The following FHIT variants were observed in gnomAD, a reference collection of about 807,000 sequenced individuals.
FHIT encodes the protein fragile histidine triad diadenosine triphosphatase.
A neutral mutation model predicts 17.9 loss-of-function variants in FHIT; 19 were observed. The observed-to-expected ratio is 1.06, with a 90% confidence interval of 0.74 to 1.56. The LOEUF is 1.56. FHIT is among the 40% of genes most tolerant of loss of function. The pLI is 0.00. For synonymous variants in FHIT, 81 were observed against 69.7 expected (o/e 1.16, Z -0.81); for missense variants, 248 against 189.2 (o/e 1.31, Z -1.82).
In FHIT at chr3:59,806,192, A is replaced by G. The variant is rs1250706677; in HGVS notation, c.349-53871T>C. Among the ~76,000 whole-genome samples, 4 of 151,938 alleles carry G rather than the reference A, an allele frequency of 2.6e-5. No individual in the cohort carries two copies. In the East Asian group the frequency reaches 7.7e-4, roughly 29 times the overall value. Reference sequence around the variant, plus strand: ...AGAATCTGTCTCAAAAAAAAAAAAAAGATCATGGGGAATAATCTACATGAA... The same window carrying G: ...AGAATCTGTCTCAAAAAAAAAAAAAGGATCATGGGGAATAATCTACATGAA... On this transcript the variant is annotated intron_variant, in intron 8 of 9. Transcript: ENST00000492590.
chr3:60,125,398 G>A (rs1705494801), intron 5 of FHIT, among the ~76,000 whole-genome samples: 2 of 152,114 alleles, frequency 1.3e-5, no homozygotes, highest in African/African-American at 4.8e-5. Context: ...TTGGGAGGCT[G>A]AGGCGGTCGG....
At chr3:60,789,007 G>T in intron 4 of FHIT, among the ~76,000 whole-genome samples, 1 of 151,282 alleles carries the variant, frequency 6.6e-6, no homozygotes, top group East Asian at 1.9e-4. Context: ...GTGAAACACT[G>T]GCTAAAGACA....
chr3:59,791,756 A>C (rs752952853), intron 8 of FHIT, among the ~76,000 whole-genome samples: 8 of 152,178 alleles, frequency 5.3e-5, no homozygotes, highest in Non-Finnish European at 8.8e-5. Flanking sequence ...ACATTTCCAC[A>C]AGGCCAGGTA....
chr3:59,903,249 A>G (rs907724242), intron 8 of FHIT, among the ~76,000 whole-genome samples: 2 of 152,180 alleles, frequency 1.3e-5, no homozygotes, highest in Admixed American at 6.5e-5. Context: ...ATAGAGACAG[A>G]AAGTAGATTA....
At chr3:60,186,234 T>A (rs777914595) in intron 5 of FHIT, among the ~76,000 whole-genome samples, 3 of 152,196 alleles carry the variant, frequency 2.0e-5, no homozygotes, top group Admixed American at 1.3e-4. Context: ...ATCCCAGATT[T>A]TTTTCTAGAT....
chr3:60,660,729 C>CTTTTT lies in FHIT; in HGVS notation c.-17-123755_-17-123751dup. Among the ~76,000 whole-genome samples, 144 of 37,226 alleles carry CTTTTT rather than the reference C, an allele frequency of 3.9e-3. 27 individuals are homozygous for CTTTTT. Among genetic ancestry groups the CTTTTT allele is most frequent in the African/African-American group, 7.8e-3 (95 of 12,178 alleles). 24.4% of individuals were successfully genotyped at this position (37,226 alleles called of 152,430 possible). On this transcript the variant is annotated intron_variant, in intron 4 of 9. Coordinates refer to ENST00000492590, the MANE Select transcript of FHIT (RefSeq NM_002012.4). ...GATGTGGAATATCTTTTATTGTGCT[C>CTTTTT]TTTTTTTTTTTTTTTTTTTTTGCCA...
intron 5 of FHIT, among the ~76,000 whole-genome samples, chr3:60,120,144 A>T (rs929093430): frequency 2.0e-5 from 3 of 152,120 alleles, no homozygotes; most frequent in African/African-American, 7.2e-5. Context: ...AATTTCTCCC[A>T]TCTCAGCATT....
chr3:60,687,908 T>C (rs1403359128), intron 4 of FHIT, among the ~76,000 whole-genome samples: 1 of 152,182 alleles, frequency 6.6e-6, no homozygotes, highest in Non-Finnish European at 1.5e-5. Flanking sequence ...ATAACCTTCT[T>C]GATTGCATTT....
intron 5 of FHIT, among the ~76,000 whole-genome samples, chr3:60,121,515 A>G (rs928086460): frequency 6.6e-6 from 1 of 151,974 alleles, no homozygotes; most frequent in African/African-American, 2.4e-5. Flanking sequence ...GTGAGATCCC[A>G]TCTCTACCAA....
At chr3:60,815,063 C>G (rs542823747) in intron 4 of FHIT, among the ~76,000 whole-genome samples, 1 of 151,782 alleles carries the variant, frequency 6.6e-6, no homozygotes, top group African/African-American at 2.4e-5. Flanking sequence ...AGTTTCTGTT[C>G]ATGTCTTTTG....
At chr3:60,929,078 C>A (rs1406248355) in intron 3 of FHIT, among the ~76,000 whole-genome samples, 1 of 152,154 alleles carries the variant, frequency 6.6e-6, no homozygotes, top group Admixed American at 6.5e-5. Flanking sequence ...AATCAATAAA[C>A]GTAATCCAAC....
At chr3:60,857,978 G>T (rs184715286) in intron 3 of FHIT, among the ~76,000 whole-genome samples, 2 of 152,158 alleles carry the variant, frequency 1.3e-5, no homozygotes, top group Admixed American at 1.3e-4. Flanking sequence ...CTTAACAATT[G>T]TTAGGTAGTA....
chr3:60,730,452 C>A, intron 4 of FHIT: 1 of 227,196 alleles, frequency 4.4e-6, no homozygotes, highest in East Asian at 1.2e-4. Context: ...CTTTATAAAT[C>A]CTTTTATTCT....
At chr3:61,113,760 T>G (rs765358044) in intron 2 of FHIT, among the ~76,000 whole-genome samples, 1 of 152,252 alleles carries the variant, frequency 6.6e-6, no homozygotes, top group African/African-American at 2.4e-5. Context: ...ACACATGATA[T>G]ACAGCGGATG....
At chr3:60,048,182 G>A (rs212054) in intron 5 of FHIT, among the ~76,000 whole-genome samples, 8 of 151,856 alleles carry the variant, frequency 5.3e-5, no homozygotes, top group African/African-American at 1.7e-4. Context: ...CTCTTTCTTT[G>A]TTTTCTTCTT....
intron 5 of FHIT, among the ~76,000 whole-genome samples, chr3:60,072,380 C>A (rs76249231): frequency 6.6e-6 from 1 of 152,072 alleles, no homozygotes; most frequent in Non-Finnish European, 1.5e-5. Flanking sequence ...TTCTCTAAAC[C>A]TTGTGGCCCA....
rs3821486 is a variant in FHIT at position 59,998,885 on chromosome 3, G to A, written c.279+12486C>T. 7.4e-3 allele frequency among the ~76,000 whole-genome samples: 1,133 copies of A among 152,188 alleles called. 67 individuals are homozygous for A. The East Asian group carries it at 0.16, about 21-fold the overall frequency. On this transcript the variant is annotated intron_variant, in intron 7 of 9. Transcript: ENST00000492590. Reference sequence around the variant, plus strand: ...ATAGTTATTCGCAATTAGACTGCACGGCAAATTAAATCATAAATTTCTCTA... The same window carrying A: ...ATAGTTATTCGCAATTAGACTGCACAGCAAATTAAATCATAAATTTCTCTA...
At chr3:59,865,994 T>A (rs1163185667) in intron 8 of FHIT, among the ~76,000 whole-genome samples, 1 of 152,164 alleles carries the variant, frequency 6.6e-6, no homozygotes, top group African/African-American at 2.4e-5. Flanking sequence ...AGATGGCACA[T>A]GAAATATGGT....
chr3:59,819,372 T>C (rs937103075), intron 8 of FHIT, among the ~76,000 whole-genome samples: 1 of 152,214 alleles, frequency 6.6e-6, no homozygotes, highest in African/African-American at 2.4e-5. Flanking sequence ...ACTGTGTCTC[T>C]CAGTTATTTT....
Sources: gnomAD v4.1 joint callset for allele counts (sites outside exome capture counted in the v4.1 genomes callset) on GRCh38, gnomAD v4.1.1 for gene constraint, MANE v1.5 for transcripts, NCBI Gene and HGNC (gene_info 2026-07-23, HGNC 2026-07-21) for gene names.